Variants in HMGXB3 observed in about 807,000 individuals in gnomAD.
The protein encoded by HMGXB3 is HMG-box containing 3.
Under a neutral mutation model 121.5 loss-of-function variants are expected in HMGXB3, and 45 were observed. The observed-to-expected ratio is 0.37, with a 90% confidence interval of 0.29 to 0.47. HMGXB3 has a LOEUF of 0.47. Among genes scored for constraint, HMGXB3 ranks in the 20% least tolerant of loss-of-function variants. The pLI is 0.99. For missense variants in HMGXB3, 1,376 were observed against 1,602.2 expected, an observed-to-expected ratio of 0.86 and a Z score of 2.41; for synonymous variants, 590 against 624.1, an observed-to-expected ratio of 0.95 and a Z score of 0.81.
At chr5:150,031,718 G>A (rs575385322) in intron 10 of HMGXB3, among the ~76,000 whole-genome samples, 12 of 152,318 alleles carry the variant, frequency 7.9e-5, no homozygotes, top group African/African-American at 2.4e-4. Flanking sequence ...GACAGGTTCA[G>A]AAAGGGTCAT....
chr5:150,026,876 T>A lies in HMGXB3; in HGVS notation c.1631T>A (p.Leu544Gln). ...CCCAGGGCCAGGCAGGCCTTTTCCC[T>A]GAGTGGTAAGGGCTGGGACATACCT... ...GLPRARQAFSLSDKTPSVRTC... is the reference protein window; with the variant it reads ...GLPRARQAFSQSDKTPSVRTC... Residue 544 changes from leucine (L) to glutamine (Q), a missense_variant, in exon 8 of 20, where the codon CTG becomes CAG. Around this residue, in one of 2 missense-constraint regions of HMGXB3, gnomAD observed 1,116 missense variants for 1,369.0 expected, o/e 0.82. Coordinates refer to ENST00000502717, the MANE Select transcript of HMGXB3 (RefSeq NM_014983.3). 1 of 1,509,378 alleles carries A rather than the reference T, an allele frequency of 6.6e-7. No homozygotes were observed. Among genetic ancestry groups the A allele is most frequent in the Non-Finnish European group, 8.9e-7 (1 of 1,126,770 alleles). 93.5% of individuals were successfully genotyped at this position (1,509,378 alleles called of 1,614,324 possible).
intron 11 of HMGXB3, 54 bp from the exon 12 acceptor site, chr5:150,036,582 G>A (rs1756504893): frequency 3.5e-6 from 5 of 1,436,762 alleles, no homozygotes; most frequent in Middle Eastern, 5.1e-4. Context: ...ATTTTAGCCT[G>A]AAGCTGGCTC....
At chr5:150,031,572 C>T (rs1756381286) in intron 10 of HMGXB3, among the ~76,000 whole-genome samples, 1 of 152,260 alleles carries the variant, frequency 6.6e-6, no homozygotes, top group Non-Finnish European at 1.5e-5. Flanking sequence ...TCACTCTCAA[C>T]ATTCTCTAAT....
At chr5:150,049,588 G>A (rs147103592) in intron 18 of HMGXB3, among the ~76,000 whole-genome samples, 95 of 152,328 alleles carry the variant, frequency 6.2e-4, no homozygotes, top group African/African-American at 2.0e-3. Flanking sequence ...ATCAGAGCCT[G>A]CTCAGGGAAT....
rs1462260550 is a variant in HMGXB3, at chr5:150,050,453, C to T, written c.3403C>T (p.Pro1135Ser). The T allele has an allele frequency of 1.9e-6, 3 of 1,549,004 alleles. No homozygotes were observed. In the Admixed American group the frequency reaches 5.9e-5, roughly 30 times the overall value. Reference protein sequence around the residue: ...NQGCFSSPTEPPVSVSCPELL... With the variant: ...NQGCFSSPTESPVSVSCPELL... ...GGGCTGTTTCTCTAGCCCCACAGAG[C>T]CACCTGTGGTGAGTCACCTCCTGAG... The change falls in exon 19 of 20, where the codon CCA becomes TCA. Residue 1135 changes from proline to serine, a missense_variant. Pro to Ser is a moderately conservative substitution (Grantham distance 74). Coordinates refer to ENST00000502717, the MANE Select transcript of HMGXB3 (RefSeq NM_014983.3).
intron 5 of HMGXB3, 116 bp from the exon 6 acceptor site, chr5:150,018,450 A>T (rs1424463474): frequency 3.8e-6 from 3 of 787,502 alleles, no homozygotes; most frequent in Non-Finnish European, 5.5e-6. Flanking sequence ...TTATGATATG[A>T]TTATGAATTG....
chr5:150,008,054 T>TTCTC (rs201770841), intron 3 of HMGXB3, among the ~76,000 whole-genome samples: 8 of 108,038 alleles, frequency 7.4e-5, no homozygotes, highest in African/African-American at 2.6e-4. Context: ...GAGACTCTGT[T>TTCTC]TCACACACAC....
chr5:150,024,757 C>T (rs916686599), intron 7 of HMGXB3, 77 bp downstream of exon 7: 4 of 1,227,288 alleles, frequency 3.3e-6, no homozygotes, highest in Admixed American at 2.9e-5. Context: ...GTACAGCATG[C>T]CTGAGAGAGG....
At chr5:150,048,491 T>C in intron 17 of HMGXB3, 78 bp from the exon 18 acceptor site, 1 of 966,562 alleles carries the variant, frequency 1.0e-6, no homozygotes. Flanking sequence ...GGGTGTTGGG[T>C]GAGTGTGTGA....
At chr5:150,011,798 CAT>C (rs1561853191) in intron 4 of HMGXB3, among the ~76,000 whole-genome samples, 1 of 151,058 alleles carries the variant, frequency 6.6e-6, no homozygotes, top group Non-Finnish European at 1.5e-5. Context: ...TTTTAGTAGA[CAT>C]AGGGTTTCAC....
chr5:150,022,817 CTTTTTTTT>C (rs11388244), intron 6 of HMGXB3, among the ~76,000 whole-genome samples: 6 of 119,934 alleles, frequency 5.0e-5, no homozygotes, highest in African/African-American at 1.9e-4. Context: ...GTTACTGGCT[CTTTTTTTT>C]TTTTTTTTTT....
intron 11 of HMGXB3, 145 bp from the exon 12 acceptor site, chr5:150,036,491 A>T: frequency 1.5e-6 from 1 of 648,982 alleles, no homozygotes; most frequent in Non-Finnish European, 2.6e-6. Context: ...ACAGTGAGTT[A>T]TTAGCTGAGC....
At position 150,004,243 on chromosome 5, in the gene HMGXB3, A is replaced by G. The variant is rs190390581; in HGVS notation, c.-2-608A>G. Among the ~76,000 whole-genome samples, 245 of 152,280 alleles carry G rather than the reference A, an allele frequency of 1.6e-3. 1 individual carries two copies. Among genetic ancestry groups the G allele is most frequent in the African/African-American group, 5.7e-3 (238 of 41,546 alleles). Reference sequence around the variant, plus strand: ...TATCACTATAAATCTGTGGGAAGGTAGTTGAGACATGTCTTTTTTTATACA... The same window carrying G: ...TATCACTATAAATCTGTGGGAAGGTGGTTGAGACATGTCTTTTTTTATACA... On this transcript the variant is annotated intron_variant, in intron 1 of 19. Coordinates refer to ENST00000502717, the MANE Select transcript of HMGXB3 (RefSeq NM_014983.3).
In HMGXB3 at chr5:150,032,603, C is replaced by G; in HGVS notation, c.1983C>G (p.Ile661Met). The change falls in exon 11 of 20, where the codon ATC (isoleucine) becomes ATG (methionine). Residue 661 changes from isoleucine to methionine, a missense_variant and splice_region_variant. By Grantham distance (10) the Ile-to-Met change is conservative (BLOSUM62 1). Around this residue, in one of 2 missense-constraint regions of HMGXB3, gnomAD observed 1,116 missense variants for 1,369.0 expected, o/e 0.82. Coordinates refer to ENST00000502717, the MANE Select transcript of HMGXB3 (RefSeq NM_014983.3). ...KDRTEKTTKA[I>M]EVSSPLPDVL... ...GGACTGAGAAAACCACCAAGGCTAT[C>G]GTGAGTTCCTTCCCCCAAACACATC... 1 of 1,552,266 alleles carries G rather than the reference C, an allele frequency of 6.4e-7. No homozygotes were observed. Among genetic ancestry groups the G allele is most frequent in the Admixed American group, 2.0e-5 (1 of 51,010 alleles).
At chr5:150,029,488 T>G (rs910843497) in intron 9 of HMGXB3, among the ~76,000 whole-genome samples, 1 of 152,212 alleles carries the variant, frequency 6.6e-6, no homozygotes, top group Non-Finnish European at 1.5e-5. Flanking sequence ...TTTTCAAGCT[T>G]TTGATCATGA....
At chr5:150,021,661 A>G (rs1315159380) in intron 6 of HMGXB3, 4 of 526,214 alleles carry the variant, frequency 7.6e-6, no homozygotes, top group African/African-American at 3.8e-5. Flanking sequence ...GTGCAAGTCA[A>G]TTAGTTGCTT....
At chr5:150,007,431 T>G (rs913774032) in intron 3 of HMGXB3, among the ~76,000 whole-genome samples, 12 of 152,228 alleles carry the variant, frequency 7.9e-5, no homozygotes, top group Non-Finnish European at 1.8e-4. Flanking sequence ...TATCCTTAAC[T>G]CCTTATTTCA....
At chr5:150,005,261 T>G (rs1330127137) in intron 2 of HMGXB3, among the ~76,000 whole-genome samples, 2 of 152,234 alleles carry the variant, frequency 1.3e-5, no homozygotes, top group African/African-American at 4.8e-5. Context: ...ATTATGCCAT[T>G]GTTGTTATTT....
At chr5:150,022,817 CT>C (rs11388244) in intron 6 of HMGXB3, among the ~76,000 whole-genome samples, 3,897 of 119,874 alleles carry the variant, frequency 0.033, 171 homozygotes, top group African/African-American at 0.11. Context: ...GTTACTGGCT[CT>C]TTTTTTTTTT....
Sources: allele counts gnomAD v4.1 joint callset (sites outside exome capture counted in the v4.1 genomes callset), GRCh38; gene constraint gnomAD v4.1.1; regional missense constraint gnomAD v4.1.1; transcripts MANE v1.5; gene names NCBI Gene and HGNC (gene_info 2026-07-23, HGNC 2026-07-21).